The following FUBP1 variants were observed in gnomAD, a reference collection of about 807,000 sequenced individuals.
The protein encoded by FUBP1 is far upstream element binding protein 1.
Under a neutral mutation model 94.9 loss-of-function variants are expected in FUBP1, and 16 were observed. The observed-to-expected ratio is 0.17, with a 90% confidence interval of 0.11 to 0.26. FUBP1 has a LOEUF of 0.26. Among genes scored for constraint, FUBP1 ranks in the 10% least tolerant of loss-of-function variants. The pLI is 1.00. For synonymous variants in FUBP1, 279 were observed against 254.9 expected (o/e 1.09, Z -0.90); for missense variants, 583 against 808.6 (o/e 0.72, Z 3.38).
At chr1:77,958,175 G>C (rs1654822217) in intron 16 of FUBP1, among the ~76,000 whole-genome samples, 1 of 152,220 alleles carries the variant, frequency 6.6e-6, no homozygotes, top group Non-Finnish European at 1.5e-5. Flanking sequence ...ACAGACTTTA[G>C]GAAGTGGTAT....
At chr1:77,975,649 AACACATTTT>A (rs1364583741) in intron 1 of FUBP1, among the ~76,000 whole-genome samples, 1 of 152,208 alleles carries the variant, frequency 6.6e-6, no homozygotes, top group Admixed American at 6.5e-5. Flanking sequence ...ACGGTAGATA[AACACATTTT>A]AATTTTCCAA....
At chr1:77,967,016 T>C (rs756694559) in intron 5 of FUBP1, 33 bp downstream of exon 5, 4 of 1,555,662 alleles carry the variant, frequency 2.6e-6, no homozygotes, top group Non-Finnish European at 2.7e-6. Flanking sequence ...GTTTTGATCA[T>C]GTTTTCAAAA....
rs1656091045 is a variant in FUBP1, at chr1:77,964,418, G to GT, written c.838-63dup. ...TTCTCAGGGTTTAAAGTAAAAAAAA[G>GT]TATTTTAAAAAAGCGCCATTTCCTG... On this transcript the variant is annotated intron_variant, in intron 10 of 19. Transcript: ENST00000370768. 4.9e-5 allele frequency: 52 copies of GT among 1,062,754 alleles called. 1 individual carries two copies. The South Asian group carries it at 7.0e-4, about 14-fold the overall frequency. The allele number at this position is 1,062,754 out of a possible 1,614,324, so 65.8% of individuals were successfully genotyped here.
At position 77,944,820 on chromosome 1, in the gene FUBP1, T is replaced by C. The variant is rs3753759; in HGVS notation, c.*3946A>G. On this transcript the variant is annotated 3_prime_UTR_variant, in exon 20 of 20. Transcript: ENST00000370768. ...ATGTTTATAAACAACTAGTATCAAA[T>C]TACTAGTTTTAGTATTAAAACCATT... 4.9e-4 allele frequency among the ~76,000 whole-genome samples: 74 copies of C among 152,074 alleles called. No individual in the cohort carries two copies. In the East Asian group the frequency reaches 0.012, roughly 24 times the overall value.
chr1:77,978,066 C>T (rs1180680592), intron 1 of FUBP1, among the ~76,000 whole-genome samples: 1 of 152,224 alleles, frequency 6.6e-6, no homozygotes, highest in Non-Finnish European at 1.5e-5. Context: ...TCTATACCAA[C>T]ACCATACATT....
chr1:77,958,039 G>A (rs1430720473), intron 16 of FUBP1, among the ~76,000 whole-genome samples: 2 of 152,072 alleles, frequency 1.3e-5, no homozygotes, highest in African/African-American at 4.8e-5. Flanking sequence ...TGATCCGCCC[G>A]CCTCAGCCTT....
chr1:77,974,987 C>T (rs1172628177), intron 1 of FUBP1, among the ~76,000 whole-genome samples: 1 of 152,204 alleles, frequency 6.6e-6, no homozygotes, highest in African/African-American at 2.4e-5. Context: ...ATATAACCTA[C>T]GCAAATCCTT....
chr1:77,972,053 C>CTTCT (rs1657660685), intron 1 of FUBP1, among the ~76,000 whole-genome samples: 1 of 151,276 alleles, frequency 6.6e-6, no homozygotes, highest in Admixed American at 6.6e-5. Context: ...TCAATCTAAC[C>CTTCT]TTCTTTAACC....
chr1:77,969,635 A>G (rs1657143289), intron 2 of FUBP1, among the ~76,000 whole-genome samples: 1 of 152,118 alleles, frequency 6.6e-6, no homozygotes, highest in African/African-American at 2.4e-5. Flanking sequence ...AATATTATTA[A>G]CAAGACGTCT....
At position 77,949,188 on chromosome 1, in the gene FUBP1, G is replaced by T. The variant is rs1258171289; in HGVS notation, c.1893C>A (p.Pro631=). 1 of 1,613,432 alleles carries T rather than the reference G, an allele frequency of 6.2e-7. No individual in the cohort carries two copies. Among genetic ancestry groups the T allele is most frequent in the African/African-American group, 1.3e-5 (1 of 74,988 alleles). ...QQAAYYAQTS[P]QGMPQHPPAP... is the part of the protein sequence containing the mutation. ...CTGGAGGATGCTGTGGCATTCCCTG[G>T]GGACTTGTCTGGGCATAATAGGCTG... is the stretch of plus-strand genomic sequence containing the variant. Residue 631 remains proline, a synonymous_variant, in exon 19 of 20, where the codon CCC becomes CCA. Transcript: ENST00000370768.
intron 1 of FUBP1, 134 bp from the exon 2 acceptor site, chr1:77,970,149 A>C: frequency 2.2e-6 from 1 of 452,608 alleles, no homozygotes; most frequent in Non-Finnish European, 3.9e-6. Flanking sequence ...TGAAAAATTA[A>C]AATTATAGTT....
chr1:77,966,562 A>C, intron 7 of FUBP1, 132 bp downstream of exon 7: 1 of 638,508 alleles, frequency 1.6e-6, no homozygotes, highest in Non-Finnish European at 2.8e-6. Flanking sequence ...ACTTCAAAGG[A>C]GTTGGAGGAC....
intron 1 of FUBP1, 114 bp downstream of exon 1, chr1:77,978,771 C>T (rs755014139): frequency 1.8e-5 from 23 of 1,311,474 alleles, no homozygotes; most frequent in Non-Finnish European, 2.4e-5. Context: ...CTTCACATTT[C>T]AGCCCGGAAG....
Position 77,955,345 on chromosome 1 carries a change from CA to C in FUBP1, c.1706-17del, listed in dbSNP as rs1311003905. The C allele has an allele frequency of 1.1e-5, 17 of 1,519,770 alleles. No individual in the cohort carries two copies. Among genetic ancestry groups the C allele is most frequent in the Non-Finnish European group, 1.0e-5 (11 of 1,097,370 alleles). 94.1% of individuals were successfully genotyped at this position (1,519,770 alleles called of 1,614,324 possible). Reference sequence around the variant, plus strand: ...TGCTGATCTCCTTGTTCAAGCAAAACAAAACAAAAAACAGAATTAAAGTTTT... The same window carrying C: ...TGCTGATCTCCTTGTTCAAGCAAAACAAACAAAAAACAGAATTAAAGTTTT... On this transcript the variant is annotated splice_polypyrimidine_tract_variant and intron_variant, in intron 17 of 19. Coordinates refer to ENST00000370768, the MANE Select transcript of FUBP1 (RefSeq NM_003902.5).
chr1:77,954,322 C>T (rs759674766), intron 18 of FUBP1, among the ~76,000 whole-genome samples: 2 of 152,116 alleles, frequency 1.3e-5, no homozygotes, highest in South Asian at 2.1e-4. Context: ...TTCTTTTTGC[C>T]GAATTGTAGC....
chr1:77,952,376 T>C (rs1214068796), intron 18 of FUBP1, among the ~76,000 whole-genome samples: 1 of 152,080 alleles, frequency 6.6e-6, no homozygotes, highest in African/African-American at 2.4e-5. Context: ...TAGTTTTTTT[T>C]TTTTTTCAGT....
At position 77,965,075 on chromosome 1, in the gene FUBP1, C is replaced by A. The variant is rs1176582172; in HGVS notation, c.630G>T (p.Gln210His). The stretch of plus-strand genomic sequence containing the variant: ...TTCACAAAAATAACAATACCTGAAG[C>A]TGTTTAATAGTTTCTCCCCCTTTTC... ...VIGKGGETIKQLQERAGVKMV... is the reference protein window; with the variant it reads ...VIGKGGETIKHLQERAGVKMV... Residue 210 changes from glutamine to histidine, a missense_variant, in exon 8 of 20, where the codon CAG becomes CAT. Physicochemically the swap from Gln to His is conservative, Grantham distance 24. Coordinates refer to ENST00000370768, the MANE Select transcript of FUBP1 (RefSeq NM_003902.5). The A allele has an allele frequency of 6.2e-7, 1 of 1,611,166 alleles. No homozygotes were observed. Among genetic ancestry groups the A allele is most frequent in the Admixed American group, 1.7e-5 (1 of 59,966 alleles).
chr1:77,955,040 A>G (rs1481799424), intron 18 of FUBP1, among the ~76,000 whole-genome samples: 1 of 152,218 alleles, frequency 6.6e-6, no homozygotes, highest in Non-Finnish European at 1.5e-5. Flanking sequence ...ATGTACCAGT[A>G]AGGACATTTC....
intron 1 of FUBP1, among the ~76,000 whole-genome samples, chr1:77,973,514 G>A (rs531471441): frequency 8.5e-5 from 13 of 152,332 alleles, no homozygotes; most frequent in African/African-American, 3.1e-4. Flanking sequence ...CCAAAGTGCT[G>A]GGATTACAGG....
Sources: allele counts gnomAD v4.1 joint callset (sites outside exome capture counted in the v4.1 genomes callset), GRCh38; gene constraint gnomAD v4.1.1; transcripts MANE v1.5; gene names NCBI Gene and HGNC (gene_info 2026-07-23, HGNC 2026-07-21).